ZNF385D: variants seen among roughly 807,000 people sequenced by gnomAD.
The protein encoded by ZNF385D is zinc finger protein 659.
ZNF385D carries 15 observed loss-of-function variants against 35.8 expected under a neutral mutation model. The ratio of observed to expected loss-of-function variants is 0.42; its 90% CI spans 0.28 to 0.64. The LOEUF is 0.64. Ranked by LOEUF, ZNF385D falls within the 30% of genes least tolerant of loss-of-function variation. ZNF385D has a pLI of 0.23. For synonymous variants in ZNF385D, 212 were observed against 186.8 expected, an observed-to-expected ratio of 1.13 and a Z score of -1.10; for missense variants, 474 against 494.6, an observed-to-expected ratio of 0.96 and a Z score of 0.39.
At chr3:21,967,542 G>C (rs142115604) in intron 3 of ZNF385D, among the ~76,000 whole-genome samples, 198 of 152,300 alleles carry the variant, frequency 1.3e-3, no homozygotes, top group Non-Finnish European at 2.4e-3. Flanking sequence ...AGTTCCTGGA[G>C]AGAAGGAAAG....
At chr3:21,515,025 C>T (rs966130265) in intron 3 of ZNF385D, among the ~76,000 whole-genome samples, 1 of 152,058 alleles carries the variant, frequency 6.6e-6, no homozygotes, top group Non-Finnish European at 1.5e-5. Context: ...TAATAATGAC[C>T]ACACTTTAGT....
chr3:22,310,073 T>C (rs907662836), intron 2 of ZNF385D, among the ~76,000 whole-genome samples: 1 of 151,944 alleles, frequency 6.6e-6, no homozygotes, highest in Non-Finnish European at 1.5e-5. Flanking sequence ...CTCCAATAAA[T>C]ACATCTGCTA....
intron 3 of ZNF385D, among the ~76,000 whole-genome samples, chr3:22,130,461 G>C (rs1703712199): frequency 6.6e-6 from 1 of 152,110 alleles, no homozygotes; most frequent in South Asian, 2.1e-4. Flanking sequence ...GGTACAGCTA[G>C]AACTCCAGTT....
intron 3 of ZNF385D, among the ~76,000 whole-genome samples, chr3:21,831,565 C>G (rs896802260): frequency 6.6e-6 from 1 of 152,176 alleles, no homozygotes; most frequent in Non-Finnish European, 1.5e-5. Flanking sequence ...CACTTAGCTT[C>G]TCATTCATTC....
At chr3:22,264,998 A>C (rs2638161) in intron 2 of ZNF385D, among the ~76,000 whole-genome samples, 112,708 of 151,670 alleles carry the variant, frequency 0.74, 43,064 homozygotes, top group African/African-American at 0.93. Context: ...CTACTCCAGA[A>C]TCCTCAGATA....
rs1478331433 is a variant in ZNF385D at position 21,421,353 on chromosome 3, G to A, written c.1049C>T (p.Ala350Val). Residue 350 changes from alanine (A) to valine (V), a missense_variant, in exon 8 of 8, where the codon GCA becomes GTA. Ala to Val is a moderately conservative substitution (Grantham distance 64). Transcript: ENST00000281523. ...LAAAAAAAAV[A>V]VSSPFSLRTA... ...TCGAAGACTGAAGGGGGAACTCACT[G>A]CCACTGCTGCTGCGGCTGCTGCAGC... The A allele has an allele frequency of 3.7e-6, 6 of 1,613,694 alleles. No homozygotes were observed. Among genetic ancestry groups the A allele is most frequent in the South Asian group, 3.3e-5 (3 of 91,032 alleles).
chr3:21,561,533 A>G (rs1431254094), intron 3 of ZNF385D, among the ~76,000 whole-genome samples: 1 of 152,184 alleles, frequency 6.6e-6, no homozygotes, highest in Non-Finnish European at 1.5e-5. Context: ...AAATGCAGAA[A>G]TCACCTGCCT....
At chr3:21,805,576 T>C (rs1176322233) in intron 3 of ZNF385D, among the ~76,000 whole-genome samples, 1 of 152,224 alleles carries the variant, frequency 6.6e-6, no homozygotes, top group Non-Finnish European at 1.5e-5. Context: ...ATATGACCTT[T>C]ACCTGTAGCT....
At chr3:21,931,528 A>T (rs1701006717) in intron 3 of ZNF385D, among the ~76,000 whole-genome samples, 1 of 152,224 alleles carries the variant, frequency 6.6e-6, no homozygotes, top group Non-Finnish European at 1.5e-5. Flanking sequence ...AATTTCCATC[A>T]ACTGGTGAAT....
At chr3:21,439,702 G>C (rs1326120478) in intron 4 of ZNF385D, among the ~76,000 whole-genome samples, 1 of 152,048 alleles carries the variant, frequency 6.6e-6, no homozygotes, top group Non-Finnish European at 1.5e-5. Flanking sequence ...TTCGATTCCT[G>C]TGACATCTAC....
intron 3 of ZNF385D, among the ~76,000 whole-genome samples, chr3:22,091,493 T>C (rs2695634): frequency 0.13 from 19,491 of 152,064 alleles, 1,554 homozygotes; most frequent in Middle Eastern, 0.24. Context: ...AACACCCTGG[T>C]CTGTAGAGAT....
chr3:22,175,986 T>C (rs2125770423), intron 2 of ZNF385D, among the ~76,000 whole-genome samples: 1 of 151,080 alleles, frequency 6.6e-6, no homozygotes, highest in African/African-American at 2.4e-5. Flanking sequence ...CAATATCTTC[T>C]ATATTTCACT....
At chr3:22,331,495 A>T (rs561337194) in intron 2 of ZNF385D, among the ~76,000 whole-genome samples, 1 of 152,326 alleles carries the variant, frequency 6.6e-6, no homozygotes, top group South Asian at 2.1e-4. Context: ...ATATTATTTC[A>T]TAAAATTACC....
chr3:21,602,968 G>A (rs2064359682), intron 2 of ZNF385D, among the ~76,000 whole-genome samples: 1 of 152,102 alleles, frequency 6.6e-6, no homozygotes. Flanking sequence ...TTACTGTTTA[G>A]ACAAAACCCA....
At chr3:22,016,967 C>T (rs1360940346) in intron 3 of ZNF385D, among the ~76,000 whole-genome samples, 1 of 151,732 alleles carries the variant, frequency 6.6e-6, no homozygotes, top group Non-Finnish European at 1.5e-5. Context: ...AACACACACA[C>T]ACACTTTCTC....
chr3:22,038,296 A>T (rs1466763572), intron 3 of ZNF385D, among the ~76,000 whole-genome samples: 1 of 152,140 alleles, frequency 6.6e-6, no homozygotes, highest in African/African-American at 2.4e-5. Flanking sequence ...GGAAACTATA[A>T]ATTGGGACTA....
intron 3 of ZNF385D, among the ~76,000 whole-genome samples, chr3:21,802,429 G>C (rs2072447382): frequency 6.6e-6 from 1 of 152,052 alleles, no homozygotes; most frequent in Non-Finnish European, 1.5e-5. Context: ...GGCTATGAGT[G>C]CCTTCAAAAG....
At chr3:21,552,220 G>T (rs2062591484) in intron 3 of ZNF385D, among the ~76,000 whole-genome samples, 1 of 152,146 alleles carries the variant, frequency 6.6e-6, no homozygotes, top group Admixed American at 6.5e-5. Context: ...AGTTTAAAAT[G>T]ATCTAATATG....
intron 3 of ZNF385D, among the ~76,000 whole-genome samples, chr3:21,847,496 G>A (rs1230382105): frequency 6.6e-6 from 1 of 152,034 alleles, no homozygotes; most frequent in African/African-American, 2.4e-5. Flanking sequence ...GTTTTATGCT[G>A]ATTAGGATCT....
Sources: allele counts gnomAD v4.1 joint callset (sites outside exome capture counted in the v4.1 genomes callset), GRCh38; gene constraint gnomAD v4.1.1; transcripts MANE v1.5; gene names NCBI Gene and HGNC (gene_info 2026-07-23, HGNC 2026-07-21).